NMD3: variants seen among roughly 807,000 people sequenced by gnomAD.
NMD3 encodes 60S ribosomal export protein NMD3.
NMD3 carries 47 observed loss-of-function variants against 73.1 expected under a neutral mutation model. The observed-to-expected ratio is 0.64, with a 90% confidence interval of 0.51 to 0.82. The LOEUF (loss-of-function observed/expected upper bound fraction) is 0.82. Ranked by LOEUF, NMD3 falls within the 40% of genes least tolerant of loss-of-function variation. The pLI, the probability that NMD3 is intolerant of heterozygous loss-of-function variation, is 0.00. For synonymous variants in NMD3, 210 were observed against 194.5 expected (o/e 1.08, Z -0.66); for missense variants, 554 against 612.5 (o/e 0.90, Z 1.01).
intron 8 of NMD3, 109 bp from the exon 9 acceptor site, chr3:161,238,620 AT>A: frequency 1.5e-6 from 1 of 660,416 alleles, no homozygotes; most frequent in Non-Finnish European, 2.7e-6. Flanking sequence ...TCATGAAGCC[AT>A]TTTAGACCTT....
At chr3:161,252,422 C>T (rs577026413), downstream of NMD3, 3 of 155,194 alleles carry the variant, frequency 1.9e-5, no homozygotes, top group South Asian at 6.2e-4. Flanking sequence ...ATATAGTTTC[C>T]CACTAACCTT....
In NMD3 at chr3:161,250,941, G is replaced by A. The variant is rs1196862595; in HGVS notation, c.*31G>A. 1.6e-5 allele frequency: 26 copies of A among 1,590,876 alleles called. No individual in the cohort carries two copies. The highest frequency in any genetic ancestry group is 2.2e-5 in the Non-Finnish European group (26 of 1,165,584). ...TGTTGTAGACTGTTTCCATACATGG[G>A]CTTAAGAAGTTGGACAGAGTTACCT... On this transcript the variant is annotated 3_prime_UTR_variant, in exon 16 of 16. Transcript: ENST00000351193.
At position 161,246,437 on chromosome 3, in the gene NMD3, C is replaced by G; in HGVS notation, c.1119C>G (p.Asp373Glu). 6.9e-7 allele frequency: 1 copy of G among 1,452,048 alleles called. No individual in the cohort carries two copies. The highest frequency in any genetic ancestry group is 9.5e-7 in the Non-Finnish European group (1 of 1,053,984). The allele number at this position is 1,452,048 out of a possible 1,614,324, so 89.9% of individuals were successfully genotyped here. ...TGGGACATCTTCTAAATCCCGGAGA[C>G]CTGGTGTTAGGGTTTGTATTATTTC... The part of the protein sequence containing the change: ...THLGHLLNPG[D>E]LVLGFDLANC... Residue 373 changes from aspartate (D) to glutamate (E), a missense_variant, in exon 12 of 16, where the codon GAC (aspartate) becomes GAG (glutamate). Transcript: ENST00000351193.
In NMD3 at chr3:161,242,658, G is replaced by A. The variant is rs368636153; in HGVS notation, c.1017+5G>A. On this transcript the variant is annotated splice_donor_5th_base_variant and intron_variant, in intron 11 of 15. Coordinates refer to ENST00000351193, the MANE Select transcript of NMD3 (RefSeq NM_015938.5). Reference sequence around the variant, plus strand: ...GCTGGAATGATATCAAAAAAGGTAAGCTACATCCTGCCTGCCAGTGTATTT... The same window carrying A: ...GCTGGAATGATATCAAAAAAGGTAAACTACATCCTGCCTGCCAGTGTATTT... The A allele has an allele frequency of 1.0e-5, 16 of 1,606,120 alleles. No individual in the cohort carries two copies. The highest frequency in any genetic ancestry group is 1.4e-5 in the Non-Finnish European group (16 of 1,175,788).
intron 4 of NMD3, among the ~76,000 whole-genome samples, chr3:161,230,682 T>A (rs1736502538): frequency 6.6e-6 from 1 of 152,182 alleles, no homozygotes; most frequent in South Asian, 2.1e-4. Flanking sequence ...GCTGTAATAT[T>A]TCATGGAACA....
At chr3:161,230,597 A>G (rs1736495677) in intron 4 of NMD3, among the ~76,000 whole-genome samples, 1 of 152,226 alleles carries the variant, frequency 6.6e-6, no homozygotes, top group African/African-American at 2.4e-5. Context: ...GTGAAAGAAT[A>G]CATTTATTTG....
At position 161,242,567 on chromosome 3, in the gene NMD3, A is replaced by C; in HGVS notation, c.931A>C (p.Lys311Gln). The change falls in exon 11 of 16, where the codon AAA becomes CAA. Residue 311 changes from lysine (K) to glutamine (Q), a missense_variant. Physicochemically the swap from Lys to Gln is moderately conservative, Grantham distance 53 (BLOSUM62 1). Coordinates refer to ENST00000351193, the MANE Select transcript of NMD3 (RefSeq NM_015938.5). ...SHPFNSLCHP[K>Q]QLEEFIVMEC... ...CCCTTTCAATAGTTTATGTCATCCC[A>C]AACAGCTAGAGGAGTTTATTGTGAT... 1 of 1,613,858 alleles carries C rather than the reference A, an allele frequency of 6.2e-7. No homozygotes were observed. The highest frequency in any genetic ancestry group is 1.3e-5 in the African/African-American group (1 of 75,034).
At position 161,221,343 on chromosome 3, in the gene NMD3, AC is replaced by A. The variant is rs1184058058; in HGVS notation, c.-86del. The A allele has an allele frequency of 1.3e-5, 2 of 152,314 alleles. No individual in the cohort carries two copies. Among genetic ancestry groups the A allele is most frequent in the Admixed American group, 1.3e-4 (2 of 15,286 alleles). 9.4% of individuals were successfully genotyped at this position (152,314 alleles called of 1,614,324 possible). A position where few individuals can be genotyped will look rare whatever the true frequency, so the allele number is the denominator to read the frequency against. On this transcript the variant is annotated 5_prime_UTR_variant, in exon 1 of 16. Transcript: ENST00000351193. Reference sequence around the variant, plus strand: ...GCGGAGACAGCCAGGTTGGCAGCTGACGGGACAGCCGGGGTCTATTTTGTTG... The same window carrying A: ...GCGGAGACAGCCAGGTTGGCAGCTGAGGGACAGCCGGGGTCTATTTTGTTG...
chr3:161,235,313 CA>C, intron 7 of NMD3, 101 bp downstream of exon 7: 1 of 396,712 alleles, frequency 2.5e-6, no homozygotes, highest in Non-Finnish European at 4.6e-6. Flanking sequence ...TAGTACTGTC[CA>C]AAAGAACTTT....
At chr3:161,221,956 CTCTTTTTTTTTT>C in intron 1 of NMD3, 26 bp from the exon 2 acceptor site, 2 of 1,029,924 alleles carry the variant, frequency 1.9e-6, no homozygotes, top group South Asian at 1.5e-5. Flanking sequence ...TCCCAACATT[CTCTTTTTTTTTT>C]TTTTTTTTTT....
rs762916041 is a variant in NMD3 at position 161,235,201 on chromosome 3, A to G, written c.566A>G (p.Lys189Arg). ...YGMHQNTLRI[K>R]EIHDGLDFYY... Reference sequence around the variant, plus strand: ...ATGCATCAGAATACACTTCGTATCAAAGAGATTCATGGTGAGTTAAAACTC... The same window carrying G: ...ATGCATCAGAATACACTTCGTATCAGAGAGATTCATGGTGAGTTAAAACTC... Residue 189 changes from lysine to arginine, a missense_variant, in exon 7 of 16, where the codon AAA becomes AGA. Physicochemically the swap from Lys to Arg is conservative, Grantham distance 26 (BLOSUM62 2). Transcript: ENST00000351193. The G allele has an allele frequency of 1.3e-6, 2 of 1,510,468 alleles. No homozygotes were observed. The highest frequency in any genetic ancestry group is 3.8e-5 in the Admixed American group (2 of 52,404). The allele number at this position is 1,510,468 out of a possible 1,614,324, so 93.6% of individuals were successfully genotyped here.
At chr3:161,249,688 T>C (rs1000507644) in intron 14 of NMD3, 128 bp downstream of exon 14, 2 of 706,324 alleles carry the variant, frequency 2.8e-6, no homozygotes, top group Non-Finnish European at 5.1e-6. Flanking sequence ...TGGATTCTTA[T>C]CAAGGTATTA....
intron 4 of NMD3, among the ~76,000 whole-genome samples, chr3:161,227,706 C>A (rs560833846): frequency 2.6e-5 from 4 of 152,024 alleles, no homozygotes; most frequent in Non-Finnish European, 4.4e-5. Context: ...CTCGGCCTCC[C>A]AAAGTGCTGG....
intron 11 of NMD3, among the ~76,000 whole-genome samples, chr3:161,244,182 G>A (rs989467410): frequency 4.6e-5 from 7 of 152,156 alleles, no homozygotes; most frequent in African/African-American, 7.2e-5. Context: ...TTGGGCTGGA[G>A]TGCGGTATGG....
In NMD3 at chr3:161,249,532, A is replaced by G. The variant is rs1737393710; in HGVS notation, c.1282A>G (p.Arg428Gly). The G allele has an allele frequency of 6.8e-6, 11 of 1,611,392 alleles. No homozygotes were observed. The highest frequency in any genetic ancestry group is 2.7e-5 in the African/African-American group (2 of 74,818). The change falls in exon 14 of 16, where the codon AGA becomes GGA. Residue 428 changes from arginine (R) to glycine (G), a missense_variant. Transcript: ENST00000351193. ...GAAATTGAAAGAGCTTGCAAGAGAG[A>G]GAGAAAACATGGATACAGATGATGA... ...NWKLKELARE[R>G]ENMDTDDERQ...
chr3:161,229,528 A>G (rs1736454804), intron 4 of NMD3, among the ~76,000 whole-genome samples: 1 of 152,202 alleles, frequency 6.6e-6, no homozygotes, highest in African/African-American at 2.4e-5. Context: ...TGGTATTTAG[A>G]TGTCTACTAG....
chr3:161,247,262 G>T lies in NMD3; in HGVS notation c.1135G>T (p.Asp379Tyr). The T allele has an allele frequency of 1.2e-6, 2 of 1,606,812 alleles. No homozygotes were observed. Among genetic ancestry groups the T allele is most frequent in the Non-Finnish European group, 1.7e-6 (2 of 1,173,754 alleles). Residue 379 changes from aspartate to tyrosine, a missense_variant, in exon 13 of 16, where the codon GAT becomes TAT. Transcript: ENST00000351193. ...TTTTCATTGTTTACATTTCAGGTTT[G>T]ATTTGGCCAACTGTAACTTAAATGA... Reference protein sequence around the residue: ...LNPGDLVLGFDLANCNLNDEH... With the variant: ...LNPGDLVLGFYLANCNLNDEH...
Position 161,224,948 on chromosome 3 carries a change from T to C in NMD3, c.63T>C (p.Gly21=). 6.2e-7 allele frequency: 1 copy of C among 1,612,676 alleles called. No homozygotes were observed. The highest frequency in any genetic ancestry group is 8.5e-7 in the Non-Finnish European group (1 of 1,179,538). Residue 21 remains glycine, a synonymous_variant, in exon 3 of 16, where the codon GGT becomes GGC. Transcript: ENST00000351193. ...SPGHILCCEC[G]VPISPNPANI... is the part of the protein sequence containing the mutation. The stretch of plus-strand genomic sequence containing the variant: ...ATTAAAGCTTGTGCTGTGAGTGTGG[T>C]GTTCCGATAAGTCCAAATCCTGCCA...
chr3:161,229,868 A>G (rs1736465708), intron 4 of NMD3, among the ~76,000 whole-genome samples: 1 of 152,138 alleles, frequency 6.6e-6, no homozygotes, highest in African/African-American at 2.4e-5. Context: ...GTGAGTAGCT[A>G]TGTGATTTGC....
Sources: gnomAD v4.1 joint callset for allele counts (sites outside exome capture counted in the v4.1 genomes callset) on GRCh38, gnomAD v4.1.1 for gene constraint, MANE v1.5 for transcripts, NCBI Gene and HGNC (gene_info 2026-07-23, HGNC 2026-07-21) for gene names.